DNAJC13: variants seen among roughly 807,000 people sequenced by gnomAD.
DNAJC13 encodes the protein dnaJ homolog subfamily C member 13.
DNAJC13 carries 75 observed loss-of-function variants against 290.5 expected under a neutral mutation model. That is an observed-to-expected ratio of 0.26 (90% CI 0.21 to 0.31). DNAJC13 has a LOEUF of 0.31. Among genes scored for constraint, DNAJC13 ranks in the 10% least tolerant of loss-of-function variants. The probability of loss-of-function intolerance (pLI) is 1.00; values close to 1 mark genes in which losing one functional copy is unlikely to be tolerated. For synonymous variants in DNAJC13, 862 were observed against 892.0 expected (o/e 0.97, Z 0.60); for missense variants, 2,260 against 2,674.5 (o/e 0.85, Z 3.42).
chr3:132,500,790 G>A lies in DNAJC13; in HGVS notation c.4417-4G>A, dbSNP rs1576503445. ...GTTTTTTTGCTCTGTTGTGTTGTCTGCAGGTGTGTGGATACATAAGTAAAT... is the reference window on the plus strand; with the variant it reads ...GTTTTTTTGCTCTGTTGTGTTGTCTACAGGTGTGTGGATACATAAGTAAAT... On this transcript the variant is annotated splice_polypyrimidine_tract_variant and splice_region_variant and intron_variant, in intron 38 of 55. Coordinates refer to ENST00000260818, the MANE Select transcript of DNAJC13 (RefSeq NM_015268.4). The A allele has an allele frequency of 3.1e-6, 5 of 1,613,632 alleles. No homozygotes were observed. The highest frequency in any genetic ancestry group is 4.2e-6 in the Non-Finnish European group (5 of 1,179,776).
chr3:132,521,743 T>C (rs1936096963), intron 48 of DNAJC13, among the ~76,000 whole-genome samples: 1 of 152,218 alleles, frequency 6.6e-6, no homozygotes, highest in Non-Finnish European at 1.5e-5. Context: ...AGTTTAATTA[T>C]ATTTCAGCAC....
chr3:132,427,071 A>G (rs950690940), intron 1 of DNAJC13, among the ~76,000 whole-genome samples: 1 of 125,544 alleles, frequency 8.0e-6, no homozygotes, highest in Non-Finnish European at 1.6e-5. Context: ...GTTTATATAT[A>G]CATATGTGTG....
At chr3:132,527,539 C>T (rs1201451227) in intron 53 of DNAJC13, among the ~76,000 whole-genome samples, 1 of 152,194 alleles carries the variant, frequency 6.6e-6, no homozygotes, top group Admixed American at 6.5e-5. Context: ...TGTTGGCTCT[C>T]TGACCTCAGA....
intron 29 of DNAJC13, among the ~76,000 whole-genome samples, chr3:132,486,073 T>G (rs1934861792): frequency 7.2e-6 from 1 of 138,366 alleles, no homozygotes; most frequent in Non-Finnish European, 1.5e-5. Flanking sequence ...AATACAGTAA[T>G]GCCCTATCCT....
intron 48 of DNAJC13, among the ~76,000 whole-genome samples, chr3:132,521,438 C>T (rs945127591): frequency 6.6e-6 from 1 of 152,128 alleles, no homozygotes; most frequent in Non-Finnish European, 1.5e-5. Context: ...GGCAGCATAA[C>T]GTTCTGAGCA....
At chr3:132,483,693 G>A (rs1934757586) in intron 28 of DNAJC13, 116 bp downstream of exon 28, 2 of 1,060,898 alleles carry the variant, frequency 1.9e-6, no homozygotes, top group Admixed American at 5.3e-5. Context: ...GAGGAATGCT[G>A]TTTTGACCTT....
intron 1 of DNAJC13, among the ~76,000 whole-genome samples, chr3:132,433,726 G>A (rs1008916275): frequency 6.6e-6 from 1 of 152,142 alleles, no homozygotes; most frequent in Non-Finnish European, 1.5e-5. Context: ...GTGTGCCATG[G>A]CATTATTTGG....
intron 17 of DNAJC13, 54 bp downstream of exon 17, chr3:132,463,871 T>C: frequency 6.4e-7 from 1 of 1,565,918 alleles, no homozygotes; most frequent in Non-Finnish European, 8.7e-7. Flanking sequence ...AGAGAATTGA[T>C]TCAGATGTTA....
chr3:132,461,252 A>C (rs1933785826), intron 15 of DNAJC13, 47 bp downstream of exon 15: 1 of 1,592,598 alleles, frequency 6.3e-7, no homozygotes, highest in African/African-American at 1.3e-5. Flanking sequence ...ATTTAAGGGA[A>C]CCGCTTTTAG....
chr3:132,483,071 T>C (rs991589373), intron 27 of DNAJC13, among the ~76,000 whole-genome samples: 4 of 152,114 alleles, frequency 2.6e-5, no homozygotes, highest in African/African-American at 7.2e-5. Context: ...GCAAAGATAG[T>C]TTTATGGAGG....
Position 132,417,698 on chromosome 3 carries a change from C to T in DNAJC13, c.-76C>T, listed in dbSNP as rs889565328. On this transcript the variant is annotated 5_prime_UTR_variant, in exon 1 of 56. Transcript: ENST00000260818. ...GGAGGCCGGAGGGCGCCTCATCCCA[C>T]TCTGGAAGCTGAGCCGGCGGCGGGA... 1.3e-5 allele frequency: 2 copies of T among 152,528 alleles called. No individual in the cohort carries two copies. The highest frequency in any genetic ancestry group is 4.8e-5 in the African/African-American group (2 of 41,462). 9.4% of individuals were successfully genotyped at this position (152,528 alleles called of 1,614,324 possible).
chr3:132,439,441 T>TG (rs1559869446), intron 2 of DNAJC13, among the ~76,000 whole-genome samples: 1 of 129,806 alleles, frequency 7.7e-6, no homozygotes, highest in African/African-American at 2.5e-5. Flanking sequence ...TTTTTTTTGT[T>TG]TTTTTTTTTT....
In DNAJC13 at chr3:132,432,391, G is replaced by C. The variant is rs186311666; in HGVS notation, c.-13-2147G>C. Among the ~76,000 whole-genome samples the C allele has an allele frequency of 2.6e-4, 40 of 152,136 alleles. No homozygotes were observed. In the East Asian group the frequency reaches 7.7e-3, roughly 29 times the overall value. On this transcript the variant is annotated intron_variant, in intron 1 of 55. Transcript: ENST00000260818. The stretch of plus-strand genomic sequence containing the variant: ...CTGATTTTTTAGTATTTTTAGTAGA[G>C]ATGGGGTTTCACCATGTTGGCCAGG...
At chr3:132,505,668 C>G (rs1170412651) in intron 42 of DNAJC13, among the ~76,000 whole-genome samples, 1 of 152,050 alleles carries the variant, frequency 6.6e-6, no homozygotes, top group Non-Finnish European at 1.5e-5. Flanking sequence ...ACCCAGAAAC[C>G]TTATTTTAGT....
intron 24 of DNAJC13, among the ~76,000 whole-genome samples, chr3:132,478,631 G>T (rs766375108): frequency 2.0e-5 from 3 of 152,188 alleles, no homozygotes; most frequent in Non-Finnish European, 4.4e-5. Context: ...ATTAGTGGAC[G>T]TGGTGGCATG....
intron 48 of DNAJC13, among the ~76,000 whole-genome samples, chr3:132,519,913 C>T (rs1936034851): frequency 6.6e-6 from 1 of 152,154 alleles, no homozygotes; most frequent in African/African-American, 2.4e-5. Context: ...GCCTCACAAT[C>T]ATGGTGGAAG....
intron 20 of DNAJC13, 100 bp downstream of exon 20, chr3:132,467,413 T>G: frequency 1.7e-6 from 2 of 1,158,706 alleles, no homozygotes; most frequent in South Asian, 3.3e-5. Flanking sequence ...CATTTCTTGC[T>G]GAATACCTGA....
intron 2 of DNAJC13, among the ~76,000 whole-genome samples, chr3:132,439,098 AT>A (rs1484798626): frequency 6.6e-6 from 1 of 152,228 alleles, no homozygotes; most frequent in East Asian, 1.9e-4. Context: ...CTACCTGTGG[AT>A]CACCTTAATA....
chr3:132,420,197 G>A (rs1042231414), intron 1 of DNAJC13, among the ~76,000 whole-genome samples: 12 of 152,194 alleles, frequency 7.9e-5, no homozygotes, highest in African/African-American at 2.9e-4. Context: ...ACCTCCCTGG[G>A]TCTACTAGAA....
Sources: allele counts gnomAD v4.1 joint callset (sites outside exome capture counted in the v4.1 genomes callset), GRCh38; gene constraint gnomAD v4.1.1; transcripts MANE v1.5; gene names NCBI Gene and HGNC (gene_info 2026-07-23, HGNC 2026-07-21).